ELAVL1: variants seen among roughly 807,000 people sequenced by gnomAD.
The protein encoded by ELAVL1 is ELAV like RNA binding protein 1.
ELAVL1 carries 1 observed loss-of-function variant against 28.4 expected under a neutral mutation model. The observed-to-expected ratio is 0.04, with a 90% CI of 0.01 to 0.17. The LOEUF is 0.17. Ranked by LOEUF, ELAVL1 falls within the 10% of genes least tolerant of loss-of-function variation. ELAVL1 has a pLI of 1.00. For synonymous variants in ELAVL1, 174 were observed against 183.5 expected, an observed-to-expected ratio of 0.95 and a Z score of 0.42; for missense variants, 157 against 447.2, an observed-to-expected ratio of 0.35 and a Z score of 5.85.
At chr19:7,993,303 A>G (rs1490559325) in intron 1 of ELAVL1, among the ~76,000 whole-genome samples, 1 of 152,214 alleles carries the variant, frequency 6.6e-6, no homozygotes, top group Non-Finnish European at 1.5e-5. Context: ...AGAGAATTCC[A>G]GATTTCCGAT....
intron 1 of ELAVL1, chr19:8,001,985 C>G (rs2081069579): frequency 8.1e-7 from 1 of 1,239,170 alleles, no homozygotes; most frequent in Admixed American, 2.3e-5. Flanking sequence ...TTCTCCTTGT[C>G]TCCCCCCAGC....
intron 2 of ELAVL1, among the ~76,000 whole-genome samples, chr19:7,985,085 A>G (rs1985565266): frequency 6.6e-6 from 1 of 152,064 alleles, no homozygotes; most frequent in African/African-American, 2.4e-5. Context: ...ATGCCCAGCT[A>G]ATTTTTTAAT....
Position 7,963,820 on chromosome 19 carries a change from GAGCA to G in ELAVL1, c.657-17_657-14del. On this transcript the variant is annotated splice_polypyrimidine_tract_variant and intron_variant, in intron 5 of 5. Coordinates refer to ENST00000407627, the MANE Select transcript of ELAVL1 (RefSeq NM_001419.3). The surrounding 1 kb of genome is among the most constrained non-coding windows in gnomAD (Gnocchi z 4.5). The stretch of plus-strand genomic sequence containing the variant: ...CATGGGGGAGAACCTGGCAGACAGA[GAGCA>G]AGCGTCAGGCCACGGTCAGCGCAGG... 6.2e-7 allele frequency: 1 copy of G among 1,610,990 alleles called. No homozygotes were observed. The highest frequency in any genetic ancestry group is 8.5e-7 in the Non-Finnish European group (1 of 1,177,718).
chr19:7,981,530 T>G lies in ELAVL1; in HGVS notation c.173-344A>C, dbSNP rs1985464049. Among the ~76,000 whole-genome samples, 2 of 151,966 alleles carry G rather than the reference T, an allele frequency of 1.3e-5. No homozygotes were observed. Among genetic ancestry groups the G allele is most frequent in the Non-Finnish European group, 2.9e-5 (2 of 68,010 alleles). On this transcript the variant is annotated intron_variant, in intron 2 of 5. Transcript: ENST00000407627. This position sits in a 1 kb window ranked among gnomAD's most constrained non-coding sequence, Gnocchi z 4.2. ...GCTCCAGCAGGCCCAAGCTAATTGTTAAAATTATTTTTAGAGATGGGGTCT... is the reference window on the plus strand; with the variant it reads ...GCTCCAGCAGGCCCAAGCTAATTGTGAAAATTATTTTTAGAGATGGGGTCT...
At chr19:8,003,646 C>G (rs1599206061) in intron 1 of ELAVL1, among the ~76,000 whole-genome samples, 1 of 145,942 alleles carries the variant, frequency 6.9e-6, no homozygotes, top group Non-Finnish European at 1.5e-5. Context: ...GAGCCGAGAT[C>G]GCACCACTGC....
At chr19:7,973,700 C>G in intron 4 of ELAVL1, 25 bp downstream of exon 4, 1 of 1,605,222 alleles carries the variant, frequency 6.2e-7, no homozygotes, top group Non-Finnish European at 8.5e-7. Context: ...ACACCCTCCC[C>G]ACGCGTCTGG....
rs1165484072 is a variant in ELAVL1 at position 7,975,830 on chromosome 19, G to C, written c.277-1952C>G. On this transcript the variant is annotated intron_variant, in intron 3 of 5. Transcript: ENST00000407627. ...TTATAAAAGAGGGAAATTTAGGCCA[G>C]GTGTGGTGGCGCAGGCCAGTAATCC... Among the ~76,000 whole-genome samples, 5 of 152,254 alleles carry C rather than the reference G, an allele frequency of 3.3e-5. No homozygotes were observed. In the East Asian group the frequency reaches 9.6e-4, roughly 29 times the overall value.
intron 1 of ELAVL1, among the ~76,000 whole-genome samples, chr19:7,994,638 TA>T (rs1985832496): frequency 6.6e-6 from 1 of 152,314 alleles, no homozygotes; most frequent in African/African-American, 2.4e-5. Context: ...TCACATGGAA[TA>T]AAATCCAGCG....
At chr19:7,974,417 T>C (rs2145207257) in intron 3 of ELAVL1, among the ~76,000 whole-genome samples, 1 of 152,396 alleles carries the variant, frequency 6.6e-6, no homozygotes, top group East Asian at 1.9e-4. Context: ...TTTGGATTTA[T>C]ATTTTGCAAA....
chr19:7,974,541 G>A (rs960679247), intron 3 of ELAVL1, among the ~76,000 whole-genome samples: 39 of 152,172 alleles, frequency 2.6e-4, no homozygotes, highest in African/African-American at 8.7e-4. Flanking sequence ...CAAGGTCTTC[G>A]GTGCTTTCTC....
chr19:7,977,317 G>A (rs901849038), intron 3 of ELAVL1, among the ~76,000 whole-genome samples: 1 of 152,168 alleles, frequency 6.6e-6, no homozygotes, highest in African/African-American at 2.4e-5. Context: ...TTCACACCCT[G>A]GCTTTGCCCC....
Position 7,962,956 on chromosome 19 carries a change from G to A in ELAVL1, c.*527C>T, listed in dbSNP as rs974099534. 3.2e-5 allele frequency: 5 copies of A among 155,880 alleles called. No individual in the cohort carries two copies. Among genetic ancestry groups the A allele is most frequent in the Middle Eastern group, 3.4e-3 (1 of 298 alleles). 9.7% of individuals were successfully genotyped at this position (155,880 alleles called of 1,614,324 possible). A position where few individuals can be genotyped will look rare whatever the true frequency, so the allele number is the denominator to read the frequency against. On this transcript the variant is annotated 3_prime_UTR_variant, in exon 6 of 6. Coordinates refer to ENST00000407627, the MANE Select transcript of ELAVL1 (RefSeq NM_001419.3). The stretch of plus-strand genomic sequence containing the variant: ...TTCCCAGGACCACTCGGCAGAGCCC[G>A]GGACTGAGTGAGCAGGAGGTGGCAA...
At chr19:8,003,691 C>CAAAA (rs35438998) in intron 1 of ELAVL1, among the ~76,000 whole-genome samples, 1 of 80,762 alleles carries the variant, frequency 1.2e-5, no homozygotes, top group African/African-American at 4.9e-5. Context: ...GACTCCGTCT[C>CAAAA]AAAAAAAAAA....
In ELAVL1 at chr19:7,970,147, T is replaced by G. The variant is rs370450933; in HGVS notation, c.431-2357A>C. On this transcript the variant is annotated intron_variant, in intron 4 of 5. Transcript: ENST00000407627. ...GCCACCATGCCTGGCTAATTTTTAT[T>G]TTATTTTACTTTATTTATTTATTTA... is the stretch of plus-strand genomic sequence containing the variant. 6.7e-4 allele frequency among the ~76,000 whole-genome samples: 102 copies of G among 151,808 alleles called. 1 individual carries two copies. The South Asian group carries it at 0.021, about 31-fold the overall frequency.
intron 3 of ELAVL1, among the ~76,000 whole-genome samples, chr19:7,980,721 G>A (rs1053976734): frequency 3.3e-5 from 5 of 152,206 alleles, no homozygotes; most frequent in Admixed American, 1.3e-4. Context: ...CACAGTAGGT[G>A]CTGAGTGAGG....
chr19:7,973,839 C>T lies in ELAVL1; in HGVS notation c.316G>A (p.Ala106Thr), dbSNP rs1282019819. The part of the protein sequence containing the change: ...ARPSSEVIKD[A>T]NLYISGLPRT... ...GGGAGCCCGCTGATGTACAAGTTGGCGTCTTTGATCACCTCTGAGCTCGGG... is the reference window on the plus strand; with the variant it reads ...GGGAGCCCGCTGATGTACAAGTTGGTGTCTTTGATCACCTCTGAGCTCGGG... Residue 106 changes from alanine to threonine, a missense_variant, in exon 4 of 6, where the codon GCC (alanine) becomes ACC (threonine). Physicochemically the swap from Ala to Thr is moderately conservative, Grantham distance 58. This residue lies in a region of ELAVL1 where 107 missense variants were observed against 310.4 expected (regional missense o/e 0.34). Coordinates refer to ENST00000407627, the MANE Select transcript of ELAVL1 (RefSeq NM_001419.3). The T allele has an allele frequency of 8.7e-6, 14 of 1,614,162 alleles. No homozygotes were observed. The highest frequency in any genetic ancestry group is 1.2e-5 in the Non-Finnish European group (14 of 1,180,028).
intron 3 of ELAVL1, among the ~76,000 whole-genome samples, chr19:7,974,515 G>A (rs184447133): frequency 4.2e-4 from 64 of 152,300 alleles, no homozygotes; most frequent in African/African-American, 1.4e-3. Context: ...AGGGGAGCCC[G>A]GAGGCCAATG....
intron 1 of ELAVL1, among the ~76,000 whole-genome samples, chr19:8,003,275 G>C (rs1204313734): frequency 7.2e-6 from 1 of 138,030 alleles, no homozygotes; most frequent in African/African-American, 2.7e-5. Context: ...TGTAATCCCA[G>C]CTACTTGGGA....
rs1389981722 is a variant in ELAVL1 at position 7,961,500 on chromosome 19, A to C, written c.*1983T>G. The C allele has an allele frequency of 6.6e-6, 1 of 152,212 alleles. No individual in the cohort carries two copies. Among genetic ancestry groups the C allele is most frequent in the African/African-American group, 2.4e-5 (1 of 41,452 alleles). The allele number at this position is 152,212 out of a possible 1,614,324, so 9.4% of individuals were successfully genotyped here. On this transcript the variant is annotated 3_prime_UTR_variant, in exon 6 of 6. Transcript: ENST00000407627. Reference sequence around the variant, plus strand: ...CCTGAAAGGCTTCTTTTTCCAGGAAAGCATTCTGGTCCCAGGATGCAGACT... The same window carrying C: ...CCTGAAAGGCTTCTTTTTCCAGGAACGCATTCTGGTCCCAGGATGCAGACT...
Sources: allele counts gnomAD v4.1 joint callset (sites outside exome capture counted in the v4.1 genomes callset), GRCh38; gene constraint gnomAD v4.1.1; regional missense constraint gnomAD v4.1.1; non-coding constraint Gnocchi (gnomAD v3.1); transcripts MANE v1.5; gene names NCBI Gene and HGNC (gene_info 2026-07-23, HGNC 2026-07-21).